The following CHD8 variants were observed in gnomAD, a reference collection of about 807,000 sequenced individuals.
CHD8 encodes the protein chromodomain helicase DNA binding protein 8, also known as ATP-dependent chromatin remodeler CHD8.
In CHD8, 31 loss-of-function variants were observed where a neutral mutation model predicts 279.2. The ratio of observed to expected loss-of-function variants is 0.11; its 90% confidence interval spans 0.08 to 0.15. The LOEUF is 0.15. Among genes scored for constraint, CHD8 ranks in the 10% least tolerant of loss-of-function variants. The pLI is 1.00. For missense variants in CHD8, 2,146 were observed against 3,230.5 expected (o/e 0.66, Z 8.14); for synonymous variants, 1,081 against 1,139.6 (o/e 0.95, Z 1.04).
chr14:21,417,882 A>ATAT (rs1433796563), intron 5 of CHD8, among the ~76,000 whole-genome samples: 34 of 138,868 alleles, frequency 2.4e-4, no homozygotes, highest in African/African-American at 8.5e-4. Flanking sequence ...ATATATATAT[A>ATAT]ATATATATAT....
At position 21,393,855 on chromosome 14, in the gene CHD8, G is replaced by A. The variant is rs1475045585; in HGVS notation, c.5940C>T (p.Cys1980=). ...ACTGCTGGTGCAGCAGTGGAGTAGA[G>A]CAGCGTGACAAGGATGGAGCTGGTG... ...AGAPAPSLSR[C]STPLLHQQYT... The change falls in exon 32 of 38, where the codon TGC becomes TGT. Residue 1980 remains cysteine, a synonymous_variant. Coordinates refer to ENST00000646647, the MANE Select transcript of CHD8 (RefSeq NM_001170629.2). The A allele has an allele frequency of 6.2e-7, 1 of 1,613,882 alleles. No homozygotes were observed. The highest frequency in any genetic ancestry group is 8.5e-7 in the Non-Finnish European group (1 of 1,179,894).
In CHD8 at chr14:21,429,274, T is replaced by C. The variant is rs745481659; in HGVS notation, c.905A>G (p.His302Arg). ...TAGACTCCCTAGCACAACATGCCGATGTCCTTGGGGACCTCCAGACTGTGG... is the reference window on the plus strand; with the variant it reads ...TAGACTCCCTAGCACAACATGCCGACGTCCTTGGGGACCTCCAGACTGTGG... ...QQPQSGGPQG[H>R]RHVVLGSLPG... The change falls in exon 3 of 38, where the codon CAT becomes CGT. Residue 302 changes from histidine to arginine, a missense_variant. Physicochemically the swap from His to Arg is conservative, Grantham distance 29 (BLOSUM62 0). Around this residue, in one of 26 missense-constraint regions of CHD8, gnomAD observed 170 missense variants for 189.9 expected, o/e 0.90. Transcript: ENST00000646647. 1.9e-6 allele frequency: 3 copies of C among 1,611,106 alleles called. No homozygotes were observed. Among genetic ancestry groups the C allele is most frequent in the South Asian group, 2.2e-5 (2 of 90,910 alleles).
At chr14:21,415,541 AT>A (rs1456311896) in intron 7 of CHD8, 32 bp downstream of exon 7, 6 of 1,087,106 alleles carry the variant, frequency 5.5e-6, no homozygotes, top group African/African-American at 1.8e-5. Flanking sequence ...AAATAAATAA[AT>A]AAAAATAATA....
intron 25 of CHD8, 121 bp from the exon 26 acceptor site, chr14:21,399,826 T>C (rs1018037441): frequency 2.1e-6 from 2 of 932,252 alleles, no homozygotes; most frequent in Admixed American, 3.6e-5. Flanking sequence ...GCATCTACCC[T>C]ATTTCCTCCC....
chr14:21,414,790 C>A, intron 8 of CHD8, 148 bp downstream of exon 8: 1 of 678,092 alleles, frequency 1.5e-6, no homozygotes, highest in Admixed American at 2.8e-5. Flanking sequence ...CTGAATTTCT[C>A]TCTGAATAGC....
intron 5 of CHD8, among the ~76,000 whole-genome samples, chr14:21,417,476 G>A (rs1332039608): frequency 3.3e-5 from 5 of 152,128 alleles, no homozygotes. Context: ...AGCACTTTGG[G>A]AGACTGAGGT....
chr14:21,409,283 G>A (rs1017757560), intron 11 of CHD8, among the ~76,000 whole-genome samples: 1 of 152,152 alleles, frequency 6.6e-6, no homozygotes, highest in Admixed American at 6.5e-5. Context: ...AGTACCAAGG[G>A]TAATCAGCAA....
intron 1 of CHD8, among the ~76,000 whole-genome samples, chr14:21,432,405 C>T (rs532566796): frequency 3.9e-5 from 6 of 152,114 alleles, no homozygotes; most frequent in Non-Finnish European, 7.4e-5. Context: ...GTTTTGCAAC[C>T]TTTATTCTAG....
intron 26 of CHD8, chr14:21,399,383 TC>T: frequency 3.8e-6 from 2 of 520,082 alleles, no homozygotes; most frequent in Non-Finnish European, 7.0e-6. Flanking sequence ...GATGGGAGGC[TC>T]CCTACCTTGA....
chr14:21,395,369 ACCC>A lies in CHD8; in HGVS notation c.5128-20_5128-18del. 6.3e-7 allele frequency: 1 copy of A among 1,585,920 alleles called. No individual in the cohort carries two copies. Among genetic ancestry groups the A allele is most frequent in the Non-Finnish European group, 8.6e-7 (1 of 1,160,094 alleles). Reference sequence around the variant, plus strand: ...GGGATCACCCTAGAGAAGGAGATCCACCCAATAGGATGGAGCGGGGAGGGAAAG... The same window carrying A: ...GGGATCACCCTAGAGAAGGAGATCCAAATAGGATGGAGCGGGGAGGGAAAG... On this transcript the variant is annotated intron_variant, in intron 28 of 37. Coordinates refer to ENST00000646647, the MANE Select transcript of CHD8 (RefSeq NM_001170629.2).
At chr14:21,409,395 A>C (rs1163509690) in intron 11 of CHD8, among the ~76,000 whole-genome samples, 1 of 152,220 alleles carries the variant, frequency 6.6e-6, no homozygotes, top group Non-Finnish European at 1.5e-5. Flanking sequence ...CTTAAAAGAA[A>C]CTTGAGACAT....
Position 21,426,040 on chromosome 14 carries a change from A to G in CHD8, c.1716+88T>C, listed in dbSNP as rs903047755. ...TTAGAAAAGCCAAAGAAATGTGTAT[A>G]GACTTACGATTTCTCAATATCTGCT... On this transcript the variant is annotated intron_variant, in intron 5 of 37. Transcript: ENST00000646647. The G allele has an allele frequency of 2.3e-5, 18 of 789,958 alleles. No homozygotes were observed. The African/African-American group carries it at 3.1e-4, about 14-fold the overall frequency. 48.9% of individuals were successfully genotyped at this position (789,958 alleles called of 1,614,324 possible).
At chr14:21,395,774 T>C (rs978795937) in intron 28 of CHD8, 43 bp downstream of exon 28, 2 of 1,159,954 alleles carry the variant, frequency 1.7e-6, no homozygotes, top group Non-Finnish European at 1.3e-6. Context: ...CTTAAAACTA[T>C]TTAGTAATAG....
chr14:21,413,386 T>C (rs1451475867), intron 9 of CHD8, among the ~76,000 whole-genome samples: 2 of 151,878 alleles, frequency 1.3e-5, no homozygotes, highest in South Asian at 2.1e-4. Flanking sequence ...CTCTGCTTTA[T>C]ACCTAAACCT....
Position 21,386,104 on chromosome 14 carries a change from C to A in CHD8, c.7255G>T (p.Ala2419Ser). Reference sequence around the variant, plus strand: ...GAAAGGTCTGGTCGCATCCTACGGGCCCGCTTCTTGCTGCTCTCTGGTGCA... The same window carrying A: ...GAAAGGTCTGGTCGCATCCTACGGGACCGCTTCTTGCTGCTCTCTGGTGCA... ...PIAPESSKKR[A>S]RRMRPDLSKM... is the part of the protein sequence containing the mutation. Residue 2419 changes from alanine to serine, a missense_variant, in exon 38 of 38, where the codon GCC (alanine) becomes TCC (serine). Physicochemically the swap from Ala to Ser is moderately conservative, Grantham distance 99. Around this residue, in one of 26 missense-constraint regions of CHD8, gnomAD observed 336 missense variants for 392.9 expected, o/e 0.86. Coordinates refer to ENST00000646647, the MANE Select transcript of CHD8 (RefSeq NM_001170629.2). The A allele has an allele frequency of 1.3e-6, 2 of 1,557,598 alleles. No homozygotes were observed. Among genetic ancestry groups the A allele is most frequent in the East Asian group, 2.4e-5 (1 of 41,518 alleles).
intron 5 of CHD8, among the ~76,000 whole-genome samples, chr14:21,420,990 G>A (rs1309069794): frequency 2.0e-5 from 3 of 152,124 alleles, no homozygotes; most frequent in South Asian, 2.1e-4. Context: ...TCGAACTCCC[G>A]ACCTCAGGTG....
intron 5 of CHD8, among the ~76,000 whole-genome samples, chr14:21,421,024 G>A (rs970158913): frequency 1.3e-5 from 2 of 152,172 alleles, no homozygotes; most frequent in Admixed American, 1.3e-4. Context: ...GGCCTCCCAA[G>A]TGCTGGGATT....
intron 5 of CHD8, among the ~76,000 whole-genome samples, chr14:21,422,329 C>CA (rs1423529770): frequency 4.6e-5 from 7 of 150,612 alleles, no homozygotes; most frequent in African/African-American, 1.5e-4. Context: ...GACCCTGTCT[C>CA]AAAAAAAAGA....
In CHD8 at chr14:21,429,306, G is replaced by A. The variant is rs1889461332; in HGVS notation, c.873C>T (p.Leu291=). ...GGGGACCTCCAGACTGTGGCTGCTG[G>A]AGGACCAGGGTGATGCGTTTCGATT... The part of the protein sequence containing the change: ...QGESKRITLV[L]QQPQSGGPQG... The change falls in exon 3 of 38, where the codon CTC becomes CTT. Residue 291 remains leucine, a synonymous_variant. Transcript: ENST00000646647. 6.2e-7 allele frequency: 1 copy of A among 1,604,222 alleles called. No homozygotes were observed. The highest frequency in any genetic ancestry group is 1.1e-5 in the South Asian group (1 of 90,464).
Sources: gnomAD v4.1 joint callset for allele counts (sites outside exome capture counted in the v4.1 genomes callset) on GRCh38, gnomAD v4.1.1 for gene constraint, gnomAD v4.1.1 regional missense constraint, MANE v1.5 for transcripts, NCBI Gene and HGNC (gene_info 2026-07-23, HGNC 2026-07-21) for gene names.